Variants in DCAF6 observed in about 807,000 individuals in gnomAD.
DCAF6 encodes DDB1- and CUL4-associated factor 6.
DCAF6 carries 54 observed loss-of-function variants against 125.1 expected under a neutral mutation model. The ratio of observed to expected loss-of-function variants is 0.43; its 90% confidence interval spans 0.35 to 0.54. The LOEUF (loss-of-function observed/expected upper bound fraction) is 0.54. DCAF6 is among the 20% of genes least tolerant of loss of function. DCAF6 has a pLI of 0.01. For synonymous variants in DCAF6, 371 were observed against 390.4 expected (o/e 0.95, Z 0.58); for missense variants, 934 against 1,161.7 (o/e 0.80, Z 2.85).
At chr1:168,019,572 C>G in intron 11 of DCAF6, 1 of 456,090 alleles carries the variant, frequency 2.2e-6, no homozygotes. Context: ...GTTGCTGGCT[C>G]CTGCTCAGAG....
At chr1:168,028,376 GT>G (rs376938187) in intron 12 of DCAF6, among the ~76,000 whole-genome samples, 4 of 152,126 alleles carry the variant, frequency 2.6e-5, no homozygotes, top group African/African-American at 9.7e-5. Flanking sequence ...TTTTGTCTGA[GT>G]TTTAGGTTTT....
At chr1:167,902,762 T>C in the DCAF6 span, among the ~76,000 whole-genome samples, 1 of 152,212 alleles carries the variant, frequency 6.6e-6, no homozygotes, top group African/African-American at 2.4e-5. Context: ...GTTGTCTTCA[T>C]GAATAGTTTG....
intron 7 of DCAF6, 34 bp downstream of exon 7, chr1:167,993,474 G>T: frequency 6.3e-7 from 1 of 1,585,406 alleles, no homozygotes. Flanking sequence ...CTTTGGCCGG[G>T]CGCGGTGGCT....
the DCAF6 span, chr1:167,875,044 T>C: frequency 1.8e-6 from 2 of 1,089,448 alleles, no homozygotes; most frequent in Non-Finnish European, 2.8e-6. Flanking sequence ...GATAATTCAT[T>C]AAGCTGCACA....
chr1:167,936,811 G>C lies in DCAF6; in HGVS notation c.-101G>C, dbSNP rs1266438460. 2 of 1,081,000 alleles carry C rather than the reference G, an allele frequency of 1.9e-6. No homozygotes were observed. The highest frequency in any genetic ancestry group is 2.7e-6 in the Non-Finnish European group (2 of 739,294). 67.0% of individuals were successfully genotyped at this position (1,081,000 alleles called of 1,614,324 possible). On this transcript the variant is annotated 5_prime_UTR_variant, in exon 1 of 22. Transcript: ENST00000367840. Reference sequence around the variant, plus strand: ...GCTGCGCCCTGGAGGCCCGGCGCGCGGATGGTGCCGGTGCGGCTCGGGTGT... The same window carrying C: ...GCTGCGCCCTGGAGGCCCGGCGCGCCGATGGTGCCGGTGCGGCTCGGGTGT...
At chr1:168,047,865 A>G (rs1264005754) in intron 16 of DCAF6, among the ~76,000 whole-genome samples, 1 of 152,000 alleles carries the variant, frequency 6.6e-6, no homozygotes, top group Non-Finnish European at 1.5e-5. Context: ...TTTTATCTAA[A>G]TCGGTTATTA....
chr1:168,072,311 A>G (rs1294009369), intron 21 of DCAF6, among the ~76,000 whole-genome samples: 5 of 147,458 alleles, frequency 3.4e-5, no homozygotes, highest in South Asian at 4.7e-4. Context: ...AAAAAAAAAA[A>G]AAAAAAAAAA....
intron 19 of DCAF6, among the ~76,000 whole-genome samples, chr1:168,066,148 T>G (rs988256292): frequency 6.6e-6 from 1 of 152,168 alleles, no homozygotes; most frequent in African/African-American, 2.4e-5. Flanking sequence ...GAACAATGAA[T>G]AAGTGACTTC....
At position 167,936,837 on chromosome 1, in the gene DCAF6, T is replaced by C. The variant is rs921346460; in HGVS notation, c.-75T>C. ...GATGGTGCCGGTGCGGCTCGGGTGT[T>C]GAAACGGGTGTCCCCTCCCCCTCCT... On this transcript the variant is annotated 5_prime_UTR_variant, in exon 1 of 22. It removes the in-frame stop codon of an upstream open reading frame in the 5' UTR. Transcript: ENST00000367840. The C allele has an allele frequency of 9.8e-6, 13 of 1,329,378 alleles. No individual in the cohort carries two copies. In the African/African-American group the frequency reaches 1.9e-4, roughly 20 times the overall value. The allele number at this position is 1,329,378 out of a possible 1,614,324, so 82.3% of individuals were successfully genotyped here.
At chr1:168,018,687 A>G (rs1685288383) in intron 11 of DCAF6, among the ~76,000 whole-genome samples, 2 of 152,240 alleles carry the variant, frequency 1.3e-5, no homozygotes, top group South Asian at 4.1e-4. Context: ...TATCTTTTCT[A>G]GGAAATACAC....
At chr1:168,059,041 C>A (rs1691259771) in intron 17 of DCAF6, among the ~76,000 whole-genome samples, 1 of 151,560 alleles carries the variant, frequency 6.6e-6, no homozygotes, top group Non-Finnish European at 1.5e-5. Context: ...TTTTGATGAA[C>A]CATTTTTAAT....
intron 21 of DCAF6, 84 bp downstream of exon 21, chr1:168,068,547 A>G (rs1692632471): frequency 4.3e-6 from 3 of 695,684 alleles, no homozygotes; most frequent in Non-Finnish European, 6.1e-6. Flanking sequence ...AGGGGTTTAT[A>G]TATATTTTTT....
intron 2 of DCAF6, among the ~76,000 whole-genome samples, chr1:167,957,655 AATTGCTAGGTCAT>A (rs1674983443): frequency 6.6e-6 from 1 of 152,134 alleles, no homozygotes; most frequent in Admixed American, 6.5e-5. Flanking sequence ...CTAGTTGCAG[AATTGCTAGGTCAT>A]ATGGTAAACT....
At chr1:167,975,306 C>T (rs1677980155) in intron 4 of DCAF6, among the ~76,000 whole-genome samples, 1 of 152,134 alleles carries the variant, frequency 6.6e-6, no homozygotes, top group Non-Finnish European at 1.5e-5. Context: ...TTTAAAGATA[C>T]CTCTGTTATT....
At chr1:168,060,361 C>CT (rs1691437043) in intron 17 of DCAF6, among the ~76,000 whole-genome samples, 1 of 151,918 alleles carries the variant, frequency 6.6e-6, no homozygotes, top group African/African-American at 2.4e-5. Flanking sequence ...TTTTTTTCAT[C>CT]TTTTTTTAGA....
chr1:168,063,816 T>G, intron 18 of DCAF6, 57 bp downstream of exon 18: 2 of 1,534,518 alleles, frequency 1.3e-6, no homozygotes, highest in Non-Finnish European at 8.8e-7. Flanking sequence ...TCTGAGTGTT[T>G]TTCCATAATG....
chr1:168,013,064 T>C (rs370515138), intron 10 of DCAF6, among the ~76,000 whole-genome samples: 61 of 152,308 alleles, frequency 4.0e-4, no homozygotes, highest in Middle Eastern at 3.4e-3. Flanking sequence ...TTTTGAAGTG[T>C]GAAGTGACAA....
the DCAF6 span, chr1:167,903,879 A>C: frequency 6.3e-7 from 1 of 1,594,842 alleles, no homozygotes; most frequent in Non-Finnish European, 8.6e-7. Flanking sequence ...ACCTATGGGA[A>C]CACTTACTCT....
the DCAF6 span, among the ~76,000 whole-genome samples, chr1:167,888,772 A>G: frequency 6.7e-6 from 1 of 148,636 alleles, no homozygotes; most frequent in African/African-American, 2.5e-5. Flanking sequence ...GCTACTCAGG[A>G]GGCTGAGGCA....
Sources: allele counts gnomAD v4.1 joint callset (sites outside exome capture counted in the v4.1 genomes callset), GRCh38; gene constraint gnomAD v4.1.1; transcripts MANE v1.5; gene names NCBI Gene and HGNC (gene_info 2026-07-23, HGNC 2026-07-21).